NETO1: variants seen among roughly 807,000 people sequenced by gnomAD.
NETO1 encodes neuropilin and tolloid-like protein 1.
NETO1 carries 26 observed loss-of-function variants against 61.3 expected under a neutral mutation model. The observed-to-expected ratio is 0.42, with a 90% CI of 0.31 to 0.59. The LOEUF (loss-of-function observed/expected upper bound fraction) is 0.59, where lower values mean the gene tolerates loss of function less well. Among genes scored for constraint, NETO1 ranks in the 20% least tolerant of loss-of-function variants. The pLI is 0.12. For synonymous variants in NETO1, 225 were observed against 225.8 expected (o/e 1.00, Z 0.03); for missense variants, 531 against 662.8 (o/e 0.80, Z 2.18).
At chr18:72,787,933 G>A (rs994110760) in intron 6 of NETO1, among the ~76,000 whole-genome samples, 1 of 152,108 alleles carries the variant, frequency 6.6e-6, no homozygotes, top group African/African-American at 2.4e-5. Context: ...CTTCTAATGA[G>A]CTAGAAAAGA....
chr18:72,835,322 G>A (rs2073709938), intron 4 of NETO1: 3 of 1,595,798 alleles, frequency 1.9e-6, no homozygotes, highest in South Asian at 1.1e-5. Flanking sequence ...CTTTTATTCT[G>A]GAGGCAAAGA....
intron 4 of NETO1, among the ~76,000 whole-genome samples, chr18:72,827,052 GGAT>G (rs921711336): frequency 2.8e-4 from 42 of 150,120 alleles, no homozygotes; most frequent in African/African-American, 9.1e-4. Flanking sequence ...GTCTGCCCAA[GGAT>G]CCCCAGAGAA....
At chr18:72,835,570 T>C (rs562328433) in intron 4 of NETO1, among the ~76,000 whole-genome samples, 2 of 152,256 alleles carry the variant, frequency 1.3e-5, no homozygotes, top group South Asian at 4.1e-4. Context: ...TTCTGAAGGA[T>C]GTAGAGGTGA....
chr18:72,840,865 A>G (rs1433249001), intron 4 of NETO1, among the ~76,000 whole-genome samples: 1 of 152,228 alleles, frequency 6.6e-6, no homozygotes, highest in East Asian at 1.9e-4. Flanking sequence ...ACTAAGCAGA[A>G]CAGGTGAACG....
chr18:72,812,655 A>T (rs959855092), intron 4 of NETO1, among the ~76,000 whole-genome samples: 1 of 152,038 alleles, frequency 6.6e-6, no homozygotes, highest in African/African-American at 2.4e-5. Flanking sequence ...CATTTGTTCC[A>T]CCTAGTCCTC....
intron 4 of NETO1, among the ~76,000 whole-genome samples, chr18:72,840,000 C>T (rs1458490950): frequency 6.6e-6 from 1 of 152,176 alleles, no homozygotes; most frequent in Non-Finnish European, 1.5e-5. Context: ...TGCTGTTGGT[C>T]AGTTGTTTCT....
chr18:72,763,502 T>C (rs774616485), intron 7 of NETO1, among the ~76,000 whole-genome samples: 2 of 152,080 alleles, frequency 1.3e-5, no homozygotes, highest in Non-Finnish European at 2.9e-5. Context: ...TTGAGCTTCG[T>C]CTAAAACACC....
chr18:72,856,251 T>C (rs1424907984), intron 4 of NETO1, among the ~76,000 whole-genome samples: 1 of 152,132 alleles, frequency 6.6e-6, no homozygotes, highest in Non-Finnish European at 1.5e-5. Flanking sequence ...ACATTTTCTA[T>C]GACTGACATT....
intron 4 of NETO1, among the ~76,000 whole-genome samples, chr18:72,821,721 C>T (rs1446060485): frequency 1.3e-5 from 2 of 152,018 alleles, no homozygotes; most frequent in African/African-American, 2.4e-5. Flanking sequence ...AGTTGAAGAA[C>T]GTGAGACGTT....
chr18:72,866,225 G>C (rs1361704366), intron 1 of NETO1, among the ~76,000 whole-genome samples: 1 of 152,030 alleles, frequency 6.6e-6, no homozygotes, highest in African/African-American at 2.4e-5. Context: ...TCGGGGGAGA[G>C]AACAATTCAC....
intron 4 of NETO1, among the ~76,000 whole-genome samples, chr18:72,822,649 T>C (rs2073237870): frequency 6.6e-6 from 1 of 152,234 alleles, no homozygotes; most frequent in Admixed American, 6.5e-5. Flanking sequence ...GTTTTGCACA[T>C]CTTGTAATTG....
intron 7 of NETO1, among the ~76,000 whole-genome samples, chr18:72,772,715 C>T (rs975511118): frequency 2.1e-5 from 3 of 146,180 alleles, no homozygotes; most frequent in Non-Finnish European, 3.0e-5. Context: ...ATATGATATA[C>T]ACGTGTGTGT....
intron 7 of NETO1, among the ~76,000 whole-genome samples, chr18:72,763,805 C>T (rs115433898): frequency 0.013 from 1,921 of 152,172 alleles, 46 homozygotes; most frequent in African/African-American, 0.044. Flanking sequence ...TGTATTAGTC[C>T]GTTGTCAGGC....
intron 4 of NETO1, among the ~76,000 whole-genome samples, chr18:72,845,817 T>C (rs1338323264): frequency 6.6e-6 from 1 of 151,984 alleles, no homozygotes; most frequent in African/African-American, 2.4e-5. Flanking sequence ...ATCACATGTT[T>C]ATAATCATAT....
intron 7 of NETO1, among the ~76,000 whole-genome samples, chr18:72,780,703 C>A: frequency 6.6e-6 from 1 of 152,164 alleles, no homozygotes; most frequent in East Asian, 1.9e-4. Flanking sequence ...CTAAATTGCG[C>A]TCAAAAGTTT....
intron 4 of NETO1, among the ~76,000 whole-genome samples, chr18:72,851,552 G>A (rs2074250212): frequency 6.6e-6 from 1 of 152,200 alleles, no homozygotes; most frequent in South Asian, 2.1e-4. Flanking sequence ...AGAAGACTAT[G>A]TCAGTAATAA....
intron 7 of NETO1, among the ~76,000 whole-genome samples, chr18:72,769,911 T>C (rs1174696174): frequency 6.6e-6 from 1 of 152,118 alleles, no homozygotes; most frequent in African/African-American, 2.4e-5. Flanking sequence ...CAGCAGTATA[T>C]ATTCCTAGAG....
At chr18:72,850,591 A>G (rs986204678) in intron 4 of NETO1, among the ~76,000 whole-genome samples, 2 of 152,254 alleles carry the variant, frequency 1.3e-5, no homozygotes, top group African/African-American at 4.8e-5. Context: ...TAATTTGAAA[A>G]GCATGTTTCT....
At chr18:72,846,084 A>G (rs1477658174) in intron 4 of NETO1, among the ~76,000 whole-genome samples, 1 of 151,856 alleles carries the variant, frequency 6.6e-6, no homozygotes, top group Non-Finnish European at 1.5e-5. Context: ...ATTTTTTTCC[A>G]GAAAATGTGA....
Sources: gnomAD v4.1 joint callset for allele counts (sites outside exome capture counted in the v4.1 genomes callset) on GRCh38, gnomAD v4.1.1 for gene constraint, MANE v1.5 for transcripts, NCBI Gene and HGNC (gene_info 2026-07-23, HGNC 2026-07-21) for gene names.